Variants in KIRREL3 observed in about 807,000 individuals in gnomAD.
KIRREL3 encodes the protein kin of IRRE-like protein 3.
Under a neutral mutation model 89.7 loss-of-function variants are expected in KIRREL3, and 36 were observed. The ratio of observed to expected loss-of-function variants is 0.40; its 90% CI spans 0.31 to 0.53. The LOEUF (loss-of-function observed/expected upper bound fraction) is 0.53. Among genes scored for constraint, KIRREL3 ranks in the 20% least tolerant of loss-of-function variants. The pLI is 0.49. For missense variants in KIRREL3, 864 were observed against 1,056.6 expected (o/e 0.82, Z 2.53); for synonymous variants, 445 against 441.4 (o/e 1.01, Z -0.10).
rs1176921959 is a variant in KIRREL3, at chr11:126,627,667, C to T, written c.56-64755G>A. ...ATGCCTCAAGCAGCTGTCACTGGGA[C>T]CCTGCGTGGGGCCTGCTGCCTCATT... On this transcript the variant is annotated intron_variant, in intron 1 of 16. Coordinates refer to ENST00000525144, the MANE Select transcript of KIRREL3 (RefSeq NM_032531.4). This position sits in a 1 kb window ranked among gnomAD's most constrained non-coding sequence, Gnocchi z 5.0. 6.6e-6 allele frequency among the ~76,000 whole-genome samples: 1 copy of T among 152,170 alleles called. No homozygotes were observed. The highest frequency in any genetic ancestry group is 1.5e-5 in the Non-Finnish European group (1 of 68,038).
intron 1 of KIRREL3, among the ~76,000 whole-genome samples, chr11:126,961,311 GT>G (rs1325292845): frequency 6.6e-6 from 1 of 152,202 alleles, no homozygotes; most frequent in Non-Finnish European, 1.5e-5. Context: ...CAGCCAAGTT[GT>G]GAATGCAATG....
At chr11:126,497,081 G>C (rs1379319853) in intron 4 of KIRREL3, among the ~76,000 whole-genome samples, 1 of 152,120 alleles carries the variant, frequency 6.6e-6, no homozygotes, top group African/African-American at 2.4e-5. Flanking sequence ...GTGAGGCTCT[G>C]CATGTGCCTG....
chr11:126,508,192 C>T lies in KIRREL3; in HGVS notation c.433+13123G>A, dbSNP rs886354761. 1.2e-4 allele frequency among the ~76,000 whole-genome samples: 18 copies of T among 152,180 alleles called. No individual in the cohort carries two copies. The highest frequency in any genetic ancestry group is 4.3e-4 in the African/African-American group (18 of 41,424). On this transcript the variant is annotated intron_variant, in intron 4 of 16. Transcript: ENST00000525144. The surrounding 1 kb of genome is among the most constrained non-coding windows in gnomAD (Gnocchi z 4.9). ...TCCTTTATATAAACATTTATAAACA[C>T]CTGGATCGACTTGTGAAAGTGTGAC...
In KIRREL3 at chr11:126,490,233, G is replaced by A. The variant is rs1255581805; in HGVS notation, c.434-16767C>T. ...GTGTGTGTGTGTGTGTGTGTGTGGC[G>A]GGGGCGGGGGAGGCAAGGCAGCTTT... On this transcript the variant is annotated intron_variant, in intron 4 of 16. Coordinates refer to ENST00000525144, the MANE Select transcript of KIRREL3 (RefSeq NM_032531.4). The surrounding 1 kb of genome is among the most constrained non-coding windows in gnomAD (Gnocchi z 4.2). Among the ~76,000 whole-genome samples the A allele has an allele frequency of 1.3e-5, 2 of 149,476 alleles. No individual in the cohort carries two copies. Among genetic ancestry groups the A allele is most frequent in the East Asian group, 2.0e-4 (1 of 5,124 alleles).
At position 126,769,112 on chromosome 11, in the gene KIRREL3, G is replaced by C. The variant is rs1003651469; in HGVS notation, c.56-206200C>G. On this transcript the variant is annotated intron_variant, in intron 1 of 16. Transcript: ENST00000525144. This position sits in a 1 kb window ranked among gnomAD's most constrained non-coding sequence, Gnocchi z 4.3. ...CTCGGGGCCTTTGAGCTCTAAGTCA[G>C]GTATCTCTTCCTCTGTGAGGCTTCC... Among the ~76,000 whole-genome samples, 3 of 152,162 alleles carry C rather than the reference G, an allele frequency of 2.0e-5. No homozygotes were observed. The highest frequency in any genetic ancestry group is 7.2e-5 in the African/African-American group (3 of 41,446).
intron 4 of KIRREL3, among the ~76,000 whole-genome samples, chr11:126,500,634 G>A (rs1261723701): frequency 1.3e-5 from 2 of 151,958 alleles, no homozygotes; most frequent in African/African-American, 2.4e-5. Flanking sequence ...CAGCTACTTG[G>A]GAGGCTGAGG....
Position 126,609,282 on chromosome 11 carries a change from C to T in KIRREL3, c.56-46370G>A, listed in dbSNP as rs752807128. On this transcript the variant is annotated intron_variant, in intron 1 of 16. Transcript: ENST00000525144. This position sits in a 1 kb window ranked among gnomAD's most constrained non-coding sequence, Gnocchi z 5.0. ...AGTTTCCCTAATGTCTCTCCTTAGC[C>T]TCTTGCAGAGAGGGCTAATGTATGT... Among the ~76,000 whole-genome samples, 37 of 152,278 alleles carry T rather than the reference C, an allele frequency of 2.4e-4. 1 individual carries two copies. The South Asian group carries it at 2.5e-3, about 10-fold the overall frequency.
chr11:126,655,670 G>A lies in KIRREL3; in HGVS notation c.56-92758C>T, dbSNP rs1428037686. On this transcript the variant is annotated intron_variant, in intron 1 of 16. Transcript: ENST00000525144. This position sits in a 1 kb window ranked among gnomAD's most constrained non-coding sequence, Gnocchi z 5.0. ...CAGTGTGTGCCCGTCCACCCTGGGA[G>A]AGGCTTATGAAGGCTGTGTCTCAAG... Among the ~76,000 whole-genome samples, 6 of 152,290 alleles carry A rather than the reference G, an allele frequency of 3.9e-5. No homozygotes were observed. Among genetic ancestry groups the A allele is most frequent in the South Asian group, 2.1e-4 (1 of 4,826 alleles).
In KIRREL3 at chr11:126,587,341, C is replaced by G. The variant is rs1463512984; in HGVS notation, c.56-24429G>C. The stretch of plus-strand genomic sequence containing the variant: ...CTGCTCCGGTGATGGCATGTTTGGT[C>G]TGGCCTGGAGCAGAGCTGCAGGGGA... On this transcript the variant is annotated intron_variant, in intron 1 of 16. Coordinates refer to ENST00000525144, the MANE Select transcript of KIRREL3 (RefSeq NM_032531.4). This position sits in a 1 kb window ranked among gnomAD's most constrained non-coding sequence, Gnocchi z 5.2. Among the ~76,000 whole-genome samples the G allele has an allele frequency of 1.3e-5, 2 of 152,126 alleles. No homozygotes were observed. Among genetic ancestry groups the G allele is most frequent in the African/African-American group, 4.8e-5 (2 of 41,428 alleles).
intron 1 of KIRREL3, among the ~76,000 whole-genome samples, chr11:126,626,142 T>C (rs1487311170): frequency 1.3e-5 from 2 of 152,212 alleles, no homozygotes; most frequent in Non-Finnish European, 2.9e-5. Context: ...TACATGTTTC[T>C]ATAGTCCTGG....
intron 4 of KIRREL3, among the ~76,000 whole-genome samples, chr11:126,478,561 A>G (rs1957130245): frequency 6.6e-6 from 1 of 150,746 alleles, no homozygotes; most frequent in East Asian, 2.0e-4. Flanking sequence ...ATATGTGTGT[A>G]TGTGTATATA....
rs965425877 is a variant in KIRREL3 at position 126,703,788 on chromosome 11, G to A, written c.56-140876C>T. 6.6e-6 allele frequency among the ~76,000 whole-genome samples: 1 copy of A among 152,198 alleles called. No homozygotes were observed. On this transcript the variant is annotated intron_variant, in intron 1 of 16. Coordinates refer to ENST00000525144, the MANE Select transcript of KIRREL3 (RefSeq NM_032531.4). This position sits in a 1 kb window ranked among gnomAD's most constrained non-coding sequence, Gnocchi z 4.6. ...GCAGGAAAGAGAATGGGGAGCCCTT[G>A]CAGAATGTGGTTGGATCCTTCTCTC...
Position 126,773,247 on chromosome 11 carries a change from G to A in KIRREL3, c.56-210335C>T, listed in dbSNP as rs1950071430. Among the ~76,000 whole-genome samples the A allele has an allele frequency of 6.6e-6, 1 of 152,164 alleles. No individual in the cohort carries two copies. The highest frequency in any genetic ancestry group is 1.5e-5 in the Non-Finnish European group (1 of 68,038). On this transcript the variant is annotated intron_variant, in intron 1 of 16. Transcript: ENST00000525144. This position sits in a 1 kb window ranked among gnomAD's most constrained non-coding sequence, Gnocchi z 4.2. ...TTCTGTGAAGGTGTTTCAGGATGAG[G>A]TTAACACTCTTGAATCAGGGGACTG...
rs1382708982 is a variant in KIRREL3 at position 126,576,949 on chromosome 11, C to G, written c.56-14037G>C. ...ACTGTAACTGGGGAGGGAGTTGTTG[C>G]TTCCTGTGCTTCTCATATGAGAAAA... On this transcript the variant is annotated intron_variant, in intron 1 of 16. Transcript: ENST00000525144. This position sits in a 1 kb window ranked among gnomAD's most constrained non-coding sequence, Gnocchi z 5.4. Among the ~76,000 whole-genome samples, 2 of 152,168 alleles carry G rather than the reference C, an allele frequency of 1.3e-5. No individual in the cohort carries two copies. The highest frequency in any genetic ancestry group is 2.9e-5 in the Non-Finnish European group (2 of 68,042).
At chr11:126,923,222 CTTCTTCTTCTTCTTCTTCTTCT>C (rs1947500302) in intron 1 of KIRREL3, among the ~76,000 whole-genome samples, 1 of 33,356 alleles carries the variant, frequency 3.0e-5, no homozygotes, top group Admixed American at 3.2e-4. Flanking sequence ...TCTTCTTCTT[CTTCTTCTTCTTCTTCTTCTTCT>C]TCTTCTTCTT....
rs143034830 is a variant in KIRREL3, at chr11:126,612,267, T to C, written c.56-49355A>G. 0.024 allele frequency among the ~76,000 whole-genome samples: 3,724 copies of C among 152,138 alleles called. 47 individuals are homozygous for C. Among genetic ancestry groups the C allele is most frequent in the Middle Eastern group, 0.085 (25 of 294 alleles). ...ATGCTCCCTCAGAATTTGAGTATTA[T>C]ATGGACACCCTTGGCATATAATAAA... On this transcript the variant is annotated intron_variant, in intron 1 of 16. Coordinates refer to ENST00000525144, the MANE Select transcript of KIRREL3 (RefSeq NM_032531.4). The surrounding 1 kb of genome is among the most constrained non-coding windows in gnomAD (Gnocchi z 4.5).
At chr11:126,634,621 C>T (rs753125797) in intron 1 of KIRREL3, among the ~76,000 whole-genome samples, 1 of 152,116 alleles carries the variant, frequency 6.6e-6, no homozygotes, top group African/African-American at 2.4e-5. Flanking sequence ...TTAAGGTTTG[C>T]CTTTTTTCTC....
Position 126,563,525 on chromosome 11 carries a change from C to CT in KIRREL3, c.56-614dup, listed in dbSNP as rs1940286569. Among the ~76,000 whole-genome samples the CT allele has an allele frequency of 6.6e-6, 1 of 152,102 alleles. No individual in the cohort carries two copies. Among genetic ancestry groups the CT allele is most frequent in the Non-Finnish European group, 1.5e-5 (1 of 68,024 alleles). On this transcript the variant is annotated intron_variant, in intron 1 of 16. Coordinates refer to ENST00000525144, the MANE Select transcript of KIRREL3 (RefSeq NM_032531.4). The surrounding 1 kb of genome is among the most constrained non-coding windows in gnomAD (Gnocchi z 6.8). ...TTTCTGGTGCTAGAGATTCCTGTGC[C>CT]TTCCTATATCAAGGCCCAATTTAGC...
intron 1 of KIRREL3, among the ~76,000 whole-genome samples, chr11:126,674,873 G>A (rs149181417): frequency 6.6e-6 from 1 of 152,300 alleles, no homozygotes; most frequent in African/African-American, 2.4e-5. Flanking sequence ...TCTGCCATTT[G>A]GATGGCTGGA....
Sources: gnomAD v4.1 joint callset for allele counts (sites outside exome capture counted in the v4.1 genomes callset) on GRCh38, gnomAD v4.1.1 for gene constraint, Gnocchi (gnomAD v3.1) non-coding constraint, MANE v1.5 for transcripts, NCBI Gene and HGNC (gene_info 2026-07-23, HGNC 2026-07-21) for gene names.